Variants in NAA25 observed in about 807,000 individuals in gnomAD.
NAA25 encodes N-alpha-acetyltransferase 25, NatB auxiliary subunit.
Under a neutral mutation model 132.5 loss-of-function variants are expected in NAA25, and 30 were observed. The ratio of observed to expected loss-of-function variants is 0.23; its 90% CI spans 0.17 to 0.31. The LOEUF (loss-of-function observed/expected upper bound fraction) is 0.31. NAA25 is among the 10% of genes least tolerant of loss of function. The probability of loss-of-function intolerance (pLI) is 1.00; values close to 1 mark genes in which losing one functional copy is unlikely to be tolerated. For missense variants in NAA25, 771 were observed against 1,150.4 expected (o/e 0.67, Z 4.77); for synonymous variants, 359 against 401.9 (o/e 0.89, Z 1.28).
At chr12:112,092,540 T>C (rs2079148951) in intron 2 of NAA25, among the ~76,000 whole-genome samples, 1 of 151,882 alleles carries the variant, frequency 6.6e-6, no homozygotes, top group South Asian at 2.1e-4. Context: ...AGCAGGAGAA[T>C]CACTTGAATC....
intron 15 of NAA25, 47 bp downstream of exon 15, chr12:112,053,511 T>C: frequency 7.6e-7 from 1 of 1,321,348 alleles, no homozygotes; most frequent in Non-Finnish European, 1.1e-6. Flanking sequence ...CTCAATAGTG[T>C]GCAGTCAGCA....
chr12:112,102,311 T>C (rs2079306600), intron 1 of NAA25, among the ~76,000 whole-genome samples: 1 of 152,000 alleles, frequency 6.6e-6, no homozygotes, highest in Non-Finnish European at 1.5e-5. Context: ...AGGTCGAAGC[T>C]GCAGTGAGCC....
At chr12:112,068,180 C>T (rs113053121) in intron 11 of NAA25, among the ~76,000 whole-genome samples, 8,377 of 152,246 alleles carry the variant, frequency 0.055, 300 homozygotes, top group Middle Eastern at 0.16. Context: ...CTGGGGACTA[C>T]AGGCACGTGC....
chr12:112,071,611 C>G (rs937710178), intron 10 of NAA25, among the ~76,000 whole-genome samples: 1 of 152,154 alleles, frequency 6.6e-6, no homozygotes, highest in Non-Finnish European at 1.5e-5. Flanking sequence ...GGATTACAGG[C>G]GTGAGACACC....
chr12:112,093,829 C>A (rs1026162445), intron 1 of NAA25, among the ~76,000 whole-genome samples: 3 of 152,030 alleles, frequency 2.0e-5, no homozygotes, highest in African/African-American at 7.2e-5. Flanking sequence ...ACAGTGTGAG[C>A]CACGGTCGTG....
intron 17 of NAA25, among the ~76,000 whole-genome samples, chr12:112,046,244 G>A (rs775475931): frequency 6.6e-6 from 1 of 152,188 alleles, no homozygotes; most frequent in Admixed American, 6.5e-5. Flanking sequence ...GGGTTTCCCT[G>A]AGCAGGAACA....
intron 23 of NAA25, among the ~76,000 whole-genome samples, chr12:112,032,843 GTCCAGCATTTC>G (rs2078167625): frequency 6.6e-6 from 1 of 152,144 alleles, no homozygotes; most frequent in Non-Finnish European, 1.5e-5. Context: ...TACTTCTCAT[GTCCAGCATTTC>G]TCCTTTCTCA....
rs774005129 is a variant in NAA25, at chr12:112,068,948, C to T, written c.1081G>A (p.Asp361Asn). 19 of 1,613,236 alleles carry T rather than the reference C, an allele frequency of 1.2e-5. No individual in the cohort carries two copies. In the African/African-American group the frequency reaches 1.6e-4, roughly 14 times the overall value. The change falls in exon 11 of 24, where the codon GAT becomes AAT. Residue 361 changes from aspartate (D) to asparagine (N), a missense_variant. Coordinates refer to ENST00000261745, the MANE Select transcript of NAA25 (RefSeq NM_024953.4). ...LMFQYFKKFG[D>N]KPCCFTDLKV... ...AGGTCTGTAAAACAACAAGGTTTAT[C>T]GCCAAACTTTTTAAAATACTGGAAC...
At chr12:112,069,368 G>T (rs1288440538) in intron 10 of NAA25, among the ~76,000 whole-genome samples, 2 of 152,014 alleles carry the variant, frequency 1.3e-5, no homozygotes, top group African/African-American at 2.4e-5. Flanking sequence ...GCTGGGCGTG[G>T]CAGCACATGC....
Position 112,049,366 on chromosome 12 carries a change from T to C in NAA25, c.1729-923A>G. ...AGCTGATGTCTGCCCCCAAAAAAGA[T>C]CCTTTCTAGAAAAAACAGTCTTTTT... On this transcript the variant is annotated intron_variant, in intron 15 of 23. Transcript: ENST00000261745. The surrounding 1 kb of genome is among the most constrained non-coding windows in gnomAD (Gnocchi z 4.7). 1.2e-6 allele frequency: 1 copy of C among 802,426 alleles called. No individual in the cohort carries two copies. Among genetic ancestry groups the C allele is most frequent in the African/African-American group, 1.9e-5 (1 of 53,658 alleles). The allele number at this position is 802,426 out of a possible 1,614,324, so 49.7% of individuals were successfully genotyped here.
intron 4 of NAA25, 57 bp from the exon 5 acceptor site, chr12:112,081,191 G>GGTTTT: frequency 7.0e-7 from 1 of 1,418,946 alleles, no homozygotes. Flanking sequence ...GGGGATTAAT[G>GGTTTT]ATCTAGATAC....
Position 112,053,676 on chromosome 12 carries a change from AG to A in NAA25, c.1629-20del. 6.4e-7 allele frequency: 1 copy of A among 1,563,150 alleles called. No homozygotes were observed. Among genetic ancestry groups the A allele is most frequent in the Non-Finnish European group, 8.8e-7 (1 of 1,140,934 alleles). On this transcript the variant is annotated intron_variant, in intron 14 of 23. Transcript: ENST00000261745. ...AAGATAACTAGATCAGAAGGAAAGAAGGAAAAAAAAAGACATGTTATACTTA... is the reference window on the plus strand; with the variant it reads ...AAGATAACTAGATCAGAAGGAAAGAAGAAAAAAAAAGACATGTTATACTTA...
At chr12:112,062,879 TAAAA>T (rs1274595392) in intron 11 of NAA25, among the ~76,000 whole-genome samples, 4 of 151,706 alleles carry the variant, frequency 2.6e-5, no homozygotes, top group East Asian at 3.9e-4. Context: ...TCATCTCTAC[TAAAA>T]AAACAAACAA....
At chr12:112,068,491 T>C (rs2078751968) in intron 11 of NAA25, among the ~76,000 whole-genome samples, 1 of 152,194 alleles carries the variant, frequency 6.6e-6, no homozygotes, top group Admixed American at 6.5e-5. Context: ...CAATGTCAAT[T>C]TCCTAATTAT....
At chr12:112,072,700 A>G in intron 9 of NAA25, among the ~76,000 whole-genome samples, 1 of 151,890 alleles carries the variant, frequency 6.6e-6, no homozygotes, top group East Asian at 1.9e-4. Flanking sequence ...GCACTTTGGG[A>G]TGCTGAGGTG....
At chr12:112,073,505 C>T (rs61426543) in intron 9 of NAA25, among the ~76,000 whole-genome samples, 2 of 152,252 alleles carry the variant, frequency 1.3e-5, no homozygotes, top group South Asian at 2.1e-4. Flanking sequence ...GGCACGATCT[C>T]GGCTCACTGC....
At chr12:112,051,234 G>C (rs2078460990) in intron 15 of NAA25, among the ~76,000 whole-genome samples, 1 of 151,844 alleles carries the variant, frequency 6.6e-6, no homozygotes, top group African/African-American at 2.4e-5. Flanking sequence ...TTTGGTGGGG[G>C]GACAGAGTCT....
intron 10 of NAA25, among the ~76,000 whole-genome samples, chr12:112,070,885 T>C (rs2078795136): frequency 2.0e-5 from 3 of 152,218 alleles, no homozygotes; most frequent in Admixed American, 1.3e-4. Flanking sequence ...TAGCTGTAAC[T>C]ACAGGCGTGT....
intron 1 of NAA25, among the ~76,000 whole-genome samples, chr12:112,107,569 T>C (rs1242436146): frequency 6.9e-6 from 1 of 143,990 alleles, no homozygotes; most frequent in Admixed American, 6.9e-5. Context: ...GATGTGAGAG[T>C]AAAAAAAAAA....
Sources: gnomAD v4.1 joint callset for allele counts (sites outside exome capture counted in the v4.1 genomes callset) on GRCh38, gnomAD v4.1.1 for gene constraint, Gnocchi (gnomAD v3.1) non-coding constraint, MANE v1.5 for transcripts, NCBI Gene and HGNC (gene_info 2026-07-23, HGNC 2026-07-21) for gene names.